ANKRD36B: variants seen among roughly 807,000 people sequenced by gnomAD.
ANKRD36B encodes ankyrin repeat domain 36B, also known as ankyrin repeat domain-containing protein 36B.
A neutral mutation model predicts 135.7 loss-of-function variants in ANKRD36B; 37 were observed. That is an observed-to-expected ratio of 0.27 (90% CI 0.21 to 0.36). The LOEUF is 0.36. ANKRD36B is among the 10% of genes least tolerant of loss of function. The pLI, the probability that ANKRD36B is intolerant of heterozygous loss-of-function variation, is 1.00. For missense variants in ANKRD36B, 549 were observed against 1,037.1 expected (o/e 0.53, Z 6.46); for synonymous variants, 179 against 348.1 (o/e 0.51, Z 5.41).
chr2:97,582,197 A>G (rs1178949790), intron 3 of ANKRD36B, among the ~76,000 whole-genome samples: 1 of 152,134 alleles, frequency 6.6e-6, no homozygotes, highest in African/African-American at 2.4e-5. Flanking sequence ...ACCATGATTC[A>G]CCTTAAAAAG....
chr2:97,547,691 C>A lies in ANKRD36B; in HGVS notation c.1506+12G>T. 6.4e-7 allele frequency: 1 copy of A among 1,558,954 alleles called. No individual in the cohort carries two copies. On this transcript the variant is annotated intron_variant, in intron 21 of 43. Transcript: ENST00000359901. The stretch of plus-strand genomic sequence containing the variant: ...ATTTACTAGTTCACAATATAAATGA[C>A]AGTTTCATTACCTTCAAGCCTGGTG...
chr2:97,553,124 C>A lies in ANKRD36B; in HGVS notation c.1273+44G>T, dbSNP rs780010916. Reference sequence around the variant, plus strand: ...TTATTAGGGGTAGAGAAGTTCGTTTCTATCTGGATTGAACATGACATTGAA... The same window carrying A: ...TTATTAGGGGTAGAGAAGTTCGTTTATATCTGGATTGAACATGACATTGAA... On this transcript the variant is annotated intron_variant, in intron 16 of 43. Coordinates refer to ENST00000359901, the MANE Select transcript of ANKRD36B (RefSeq NM_001393939.1). 1.1e-5 allele frequency: 18 copies of A among 1,590,166 alleles called. No homozygotes were observed. In the Admixed American group the frequency reaches 2.9e-4, roughly 26 times the overall value.
chr2:97,508,953 T>C lies in ANKRD36B; in HGVS notation c.3873+628A>G, dbSNP rs547360091. Among the ~76,000 whole-genome samples the C allele has an allele frequency of 1.0e-4, 11 of 108,626 alleles. No homozygotes were observed. The East Asian group carries it at 1.3e-3, about 12-fold the overall frequency. 71.3% of individuals were successfully genotyped at this position (108,626 alleles called of 152,430 possible). ...TTTTCTACAAATAAGAGAAAATAGA[T>C]ACATGTTGGCAAATGCTAACTGTCC... On this transcript the variant is annotated intron_variant, in intron 40 of 43. Transcript: ENST00000359901.
intron 5 of ANKRD36B, among the ~76,000 whole-genome samples, chr2:97,578,646 A>G (rs1300205002): frequency 6.6e-6 from 1 of 151,986 alleles, no homozygotes; most frequent in African/African-American, 2.4e-5. Context: ...TAAAATGGAC[A>G]ACATTGGAAT....
chr2:97,548,584 T>C (rs7603210), intron 20 of ANKRD36B, among the ~76,000 whole-genome samples: 97,603 of 150,948 alleles, frequency 0.65, 28,194 homozygotes, highest in Non-Finnish European at 0.7. Context: ...CTAAAATAGC[T>C]TTGTTGGGAG....
intron 34 of ANKRD36B, among the ~76,000 whole-genome samples, chr2:97,532,719 T>A (rs2078664881): frequency 2.0e-5 from 1 of 50,916 alleles, no homozygotes; most frequent in African/African-American, 1.4e-4. Context: ...AGCGAGACTG[T>A]GTCTCAAAAA....
At chr2:97,573,620 G>T (rs1448915707) in intron 6 of ANKRD36B, among the ~76,000 whole-genome samples, 3 of 152,082 alleles carry the variant, frequency 2.0e-5, no homozygotes, top group Non-Finnish European at 4.4e-5. Flanking sequence ...GAGGCATCAC[G>T]CTACCTGACT....
chr2:97,561,579 C>A (rs1260253340), intron 6 of ANKRD36B, among the ~76,000 whole-genome samples: 1 of 151,804 alleles, frequency 6.6e-6, no homozygotes, highest in Non-Finnish European at 1.5e-5. Context: ...ATTTGACATA[C>A]TTTTACAAAA....
chr2:97,549,140 C>T (rs535500025), intron 20 of ANKRD36B, among the ~76,000 whole-genome samples: 408 of 151,304 alleles, frequency 2.7e-3, no homozygotes, highest in African/African-American at 9.1e-3. Flanking sequence ...CAAAACTATG[C>T]TCTTCCCCAG....
intron 14 of ANKRD36B, among the ~76,000 whole-genome samples, chr2:97,553,660 G>A (rs13024129): frequency 0.48 from 72,821 of 151,458 alleles, 21,080 homozygotes; most frequent in Non-Finnish European, 0.66. Flanking sequence ...AAGTGATCAT[G>A]ACAAATGCGA....
At chr2:97,577,211 C>G (rs1197889776) in intron 5 of ANKRD36B, among the ~76,000 whole-genome samples, 1 of 144,306 alleles carries the variant, frequency 6.9e-6, no homozygotes, top group Non-Finnish European at 1.5e-5. Flanking sequence ...CAGACTCTAA[C>G]TGAATGAGCA....
At chr2:97,582,250 A>G (rs1233628072) in intron 3 of ANKRD36B, among the ~76,000 whole-genome samples, 1 of 152,224 alleles carries the variant, frequency 6.6e-6, no homozygotes, top group East Asian at 1.9e-4. Flanking sequence ...TATGGTATGT[A>G]TAAATAGTTT....
chr2:97,577,929 A>C (rs2082330834), intron 5 of ANKRD36B, among the ~76,000 whole-genome samples: 1 of 151,908 alleles, frequency 6.6e-6, no homozygotes, highest in Non-Finnish European at 1.5e-5. Context: ...CTCAGGGTAC[A>C]GATCTGGTAG....
At chr2:97,578,760 C>G in intron 5 of ANKRD36B, 146 bp downstream of exon 5, 2 of 1,023,930 alleles carry the variant, frequency 2.0e-6, no homozygotes, top group Non-Finnish European at 2.7e-6. Flanking sequence ...TTGCACAACT[C>G]TCGAAAACTT....
Position 97,551,279 on chromosome 2 carries a change from G to A in ANKRD36B, c.1375+10C>T, listed in dbSNP as rs368701862. ...CTGAACATGACATTAAATGTGTTTC[G>A]CAAAATTACCTGTCCTAGATATTTC... On this transcript the variant is annotated intron_variant, in intron 18 of 43. Transcript: ENST00000359901. 112 of 1,549,672 alleles carry A rather than the reference G, an allele frequency of 7.2e-5. No individual in the cohort carries two copies. The highest frequency in any genetic ancestry group is 8.9e-5 in the Non-Finnish European group (102 of 1,151,034).
At chr2:97,568,408 C>A (rs1371466534) in intron 6 of ANKRD36B, among the ~76,000 whole-genome samples, 1 of 152,122 alleles carries the variant, frequency 6.6e-6, no homozygotes, top group Non-Finnish European at 1.5e-5. Context: ...AGGATCCCTG[C>A]AAAGACTTTT....
intron 35 of ANKRD36B, among the ~76,000 whole-genome samples, chr2:97,529,543 G>T (rs1321489782): frequency 1.1e-5 from 1 of 95,212 alleles, no homozygotes. Flanking sequence ...AGTGTTGGAA[G>T]TTCTGGCCAG....
rs1278480518 is a variant in ANKRD36B at position 97,544,221 on chromosome 2, A to G, written c.1682-236T>C. Among the ~76,000 whole-genome samples, 4 of 57,648 alleles carry G rather than the reference A, an allele frequency of 6.9e-5. 1 individual carries two copies. The highest frequency in any genetic ancestry group is 1.9e-4 in the Non-Finnish European group (4 of 21,036). The allele number at this position is 57,648 out of a possible 152,430, so 37.8% of individuals were successfully genotyped here. ...CATGGCATGATTTGTCATATGTCTA[A>G]AACTAAAATAAAACCGTGTCAATAT... On this transcript the variant is annotated intron_variant, in intron 24 of 43. Transcript: ENST00000359901.
chr2:97,578,587 T>A (rs1209620153), intron 5 of ANKRD36B, among the ~76,000 whole-genome samples: 25 of 151,828 alleles, frequency 1.6e-4, no homozygotes, highest in Non-Finnish European at 4.4e-5. Context: ...ATTAGAAAAA[T>A]CAAAGATGTG....
Sources: allele counts gnomAD v4.1 joint callset (sites outside exome capture counted in the v4.1 genomes callset), GRCh38; gene constraint gnomAD v4.1.1; transcripts MANE v1.5; gene names NCBI Gene and HGNC (gene_info 2026-07-23, HGNC 2026-07-21).